The following MAGI2 variants were observed in gnomAD, a reference collection of about 807,000 sequenced individuals.
The protein encoded by MAGI2 is membrane associated guanylate kinase, WW and PDZ domain containing 2, also known as membrane-associated guanylate kinase, WW and PDZ domain-containing protein 2.
Under a neutral mutation model 133.3 loss-of-function variants are expected in MAGI2, and 35 were observed. The observed-to-expected ratio is 0.26, with a 90% confidence interval of 0.20 to 0.35. The LOEUF (loss-of-function observed/expected upper bound fraction) is 0.35, where lower values mean the gene tolerates loss of function less well. Ranked by LOEUF, MAGI2 falls within the 10% of genes least tolerant of loss-of-function variation. MAGI2 has a pLI of 1.00. For missense variants in MAGI2, 1,636 were observed against 1,863.4 expected, an observed-to-expected ratio of 0.88 and a Z score of 2.25; for synonymous variants, 729 against 710.6, an observed-to-expected ratio of 1.03 and a Z score of -0.41.
At chr7:79,368,847 CAAAAAAAAAAAAA>C (rs71095400) in intron 1 of MAGI2, among the ~76,000 whole-genome samples, 3,793 of 75,408 alleles carry the variant, frequency 0.05, 166 homozygotes, top group African/African-American at 0.15. Context: ...GACTCCGTCT[CAAAAAAAAAAAAA>C]AAAAAAAAAA....
At chr7:78,536,260 C>G (rs987833196) in intron 3 of MAGI2, among the ~76,000 whole-genome samples, 3 of 149,322 alleles carry the variant, frequency 2.0e-5, no homozygotes, top group Non-Finnish European at 3.0e-5. Flanking sequence ...CTACAGGCGC[C>G]CGCCACTACG....
At position 78,077,440 on chromosome 7, in the gene MAGI2, C is replaced by A. The variant is rs142501581; in HGVS notation, c.3706+1507G>T. Reference sequence around the variant, plus strand: ...TATATTTAAAAATATTTTATTAGATCCAAGCATTAAGGGTAGGAATCTGGA... The same window carrying A: ...TATATTTAAAAATATTTTATTAGATACAAGCATTAAGGGTAGGAATCTGGA... On this transcript the variant is annotated intron_variant, in intron 21 of 21. Transcript: ENST00000354212. 6.7e-3 allele frequency among the ~76,000 whole-genome samples: 1,008 copies of A among 150,932 alleles called. 5 individuals carry two copies. Among genetic ancestry groups the A allele is most frequent in the Non-Finnish European group, 0.011 (751 of 67,786 alleles).
intron 9 of MAGI2, among the ~76,000 whole-genome samples, chr7:78,297,724 C>G (rs1211121450): frequency 6.0e-5 from 9 of 150,860 alleles, no homozygotes; most frequent in African/African-American, 2.2e-4. Flanking sequence ...TAAACTGTCA[C>G]AAGAACAAAA....
At chr7:78,420,660 A>G (rs1352907105) in intron 6 of MAGI2, among the ~76,000 whole-genome samples, 1 of 152,090 alleles carries the variant, frequency 6.6e-6, no homozygotes, top group Non-Finnish European at 1.5e-5. Context: ...ATAAGGATAG[A>G]CAGAGGGACA....
rs138914643 is a variant in MAGI2, at chr7:78,123,495, T to C, written c.3567+2199A>G. Among the ~76,000 whole-genome samples, 326 of 152,284 alleles carry C rather than the reference T, an allele frequency of 2.1e-3. 2 individuals are homozygous for C. The highest frequency in any genetic ancestry group is 7.5e-3 in the African/African-American group (311 of 41,554). Reference sequence around the variant, plus strand: ...TGCCAGCATCACTACTCTTGCACTTTGGGGCCATTACTAAGTAAAACAACG... The same window carrying C: ...TGCCAGCATCACTACTCTTGCACTTCGGGGCCATTACTAAGTAAAACAACG... On this transcript the variant is annotated intron_variant, in intron 20 of 21. Coordinates refer to ENST00000354212, the MANE Select transcript of MAGI2 (RefSeq NM_012301.4).
At chr7:78,288,729 C>T (rs374202215) in intron 9 of MAGI2, among the ~76,000 whole-genome samples, 51 of 152,282 alleles carry the variant, frequency 3.3e-4, no homozygotes, top group African/African-American at 8.4e-4. Flanking sequence ...CTCGTGCAGC[C>T]GGGTGCCCCT....
intron 3 of MAGI2, among the ~76,000 whole-genome samples, chr7:78,581,793 T>C (rs907794573): frequency 1.3e-5 from 2 of 152,152 alleles, no homozygotes; most frequent in Admixed American, 6.5e-5. Flanking sequence ...TTTTTTTTTC[T>C]GTTAAATGAA....
chr7:78,717,505 CGT>C (rs1819834902), intron 2 of MAGI2, among the ~76,000 whole-genome samples: 2 of 152,074 alleles, frequency 1.3e-5, no homozygotes, highest in African/African-American at 2.4e-5. Flanking sequence ...GGATGTGAAT[CGT>C]GTGTGCTTTC....
chr7:78,744,522 A>C (rs1822744455), intron 2 of MAGI2, among the ~76,000 whole-genome samples: 1 of 152,124 alleles, frequency 6.6e-6, no homozygotes. Context: ...TGCTAGTCCC[A>C]CTAACAAAAA....
intron 3 of MAGI2, among the ~76,000 whole-genome samples, chr7:78,603,299 G>A (rs977522785): frequency 5.3e-5 from 8 of 152,172 alleles, no homozygotes; most frequent in African/African-American, 1.9e-4. Flanking sequence ...GTAATGAGAG[G>A]AGATGTCCTA....
chr7:78,989,667 G>T (rs905479064), intron 2 of MAGI2, among the ~76,000 whole-genome samples: 3 of 151,930 alleles, frequency 2.0e-5, no homozygotes, highest in African/African-American at 7.2e-5. Flanking sequence ...ATTCCAACCT[G>T]TTTTGCCTGC....
At position 78,656,421 on chromosome 7, in the gene MAGI2, T is replaced by A. The variant is rs546542271; in HGVS notation, c.419-29182A>T. 2.0e-5 allele frequency among the ~76,000 whole-genome samples: 3 copies of A among 152,244 alleles called. No individual in the cohort carries two copies. In the South Asian group the frequency reaches 6.2e-4, roughly 32 times the overall value. On this transcript the variant is annotated intron_variant, in intron 2 of 21. Coordinates refer to ENST00000354212, the MANE Select transcript of MAGI2 (RefSeq NM_012301.4). ...TGGACCTGGAGGACATTATGCTAAG[T>A]GAAATAAGCCACACACAGAAAGAAA...
At chr7:78,718,389 G>A (rs765199303) in intron 2 of MAGI2, among the ~76,000 whole-genome samples, 1 of 152,064 alleles carries the variant, frequency 6.6e-6, no homozygotes. Flanking sequence ...TGGGCCACAC[G>A]GCAGAGGTGA....
intron 7 of MAGI2, among the ~76,000 whole-genome samples, chr7:78,353,897 T>A (rs1422805115): frequency 6.6e-6 from 1 of 151,990 alleles, no homozygotes; most frequent in East Asian, 1.9e-4. Flanking sequence ...TGGTATGGAG[T>A]TTTGTTTAGT....
At chr7:79,111,923 T>C (rs1818962862) in intron 1 of MAGI2, among the ~76,000 whole-genome samples, 1 of 151,996 alleles carries the variant, frequency 6.6e-6, no homozygotes, top group Non-Finnish European at 1.5e-5. Flanking sequence ...CCTCTCGGCC[T>C]CCGAAAGTGC....
chr7:78,548,525 T>C (rs1234924994), intron 3 of MAGI2, among the ~76,000 whole-genome samples: 1 of 152,068 alleles, frequency 6.6e-6, no homozygotes, highest in Non-Finnish European at 1.5e-5. Flanking sequence ...TGAAACCCCG[T>C]CTCTATTAAA....
intron 2 of MAGI2, among the ~76,000 whole-genome samples, chr7:78,832,023 A>T (rs1791208322): frequency 6.6e-6 from 1 of 152,156 alleles, no homozygotes; most frequent in Non-Finnish European, 1.5e-5. Context: ...GTCAATATGA[A>T]TGAGTGGTAA....
rs73369336 is a variant in MAGI2, at chr7:79,101,866, A to G, written c.302-94660T>C. Among the ~76,000 whole-genome samples the G allele has an allele frequency of 7.3e-3, 1,104 of 152,014 alleles. 19 individuals are homozygous for G. The highest frequency in any genetic ancestry group is 0.025 in the African/African-American group (1,052 of 41,520). On this transcript the variant is annotated intron_variant, in intron 1 of 21. Transcript: ENST00000354212. ...CACTTTTATTATCAAAATTCTGTCT[A>G]TAACATATATATCATATATTTCATA... is the stretch of plus-strand genomic sequence containing the variant.
At chr7:78,246,088 T>C (rs965560027) in intron 10 of MAGI2, among the ~76,000 whole-genome samples, 1 of 152,106 alleles carries the variant, frequency 6.6e-6, no homozygotes, top group Non-Finnish European at 1.5e-5. Flanking sequence ...GGTTGCTGCA[T>C]CTTGTCAATC....
Sources: allele counts gnomAD v4.1 joint callset (sites outside exome capture counted in the v4.1 genomes callset), GRCh38; gene constraint gnomAD v4.1.1; transcripts MANE v1.5; gene names NCBI Gene and HGNC (gene_info 2026-07-23, HGNC 2026-07-21).